Variants in MYO6 observed in about 807,000 individuals in gnomAD.
The protein encoded by MYO6 is unconventional myosin-VI.
MYO6 carries 74 observed loss-of-function variants against 178.7 expected under a neutral mutation model. The observed-to-expected ratio is 0.41, with a 90% CI of 0.34 to 0.50. MYO6 has a LOEUF of 0.50. MYO6 is among the 20% of genes least tolerant of loss of function. MYO6 has a pLI of 0.09. For missense variants in MYO6, 1,330 were observed against 1,547.4 expected, an observed-to-expected ratio of 0.86 and a Z score of 2.36; for synonymous variants, 477 against 504.6, an observed-to-expected ratio of 0.95 and a Z score of 0.73.
At chr6:75,800,312 A>T (rs1251044225) in intron 1 of MYO6, among the ~76,000 whole-genome samples, 1 of 152,164 alleles carries the variant, frequency 6.6e-6, no homozygotes, top group African/African-American at 2.4e-5. Context: ...CACAATTAAG[A>T]GGAGACAGGA....
intron 18 of MYO6, among the ~76,000 whole-genome samples, chr6:75,869,690 A>G (rs1015806015): frequency 1.3e-5 from 2 of 152,344 alleles, no homozygotes; most frequent in East Asian, 1.9e-4. Flanking sequence ...ATTTTAATAC[A>G]CTGAACCACA....
Position 75,916,451 on chromosome 6 carries a change from GTTAAA to G in MYO6, c.*1446_*1450del, listed in dbSNP as rs886061769. On this transcript the variant is annotated 3_prime_UTR_variant, in exon 35 of 35. Coordinates refer to ENST00000369977, the MANE Select transcript of MYO6 (RefSeq NM_004999.4). ...TATGATACATTCAAATGATTGTCAA[GTTAAA>G]TTAAATGGTTGTGTCTGTGCTATTG... 2.6e-5 allele frequency: 4 copies of G among 152,586 alleles called. No homozygotes were observed. The highest frequency in any genetic ancestry group is 1.9e-4 in the East Asian group (1 of 5,192). The allele number at this position is 152,586 out of a possible 1,614,324, so 9.5% of individuals were successfully genotyped here.
At chr6:75,786,970 A>G (rs1767629524) in intron 1 of MYO6, among the ~76,000 whole-genome samples, 1 of 152,182 alleles carries the variant, frequency 6.6e-6, no homozygotes, top group Admixed American at 6.5e-5. Context: ...ATTCATAGCA[A>G]AGATAAGTCC....
chr6:75,905,135 CA>C (rs1228897144), intron 30 of MYO6, among the ~76,000 whole-genome samples: 4 of 152,224 alleles, frequency 2.6e-5, no homozygotes, highest in African/African-American at 9.6e-5. Flanking sequence ...TCAAGGCTGT[CA>C]GACAGGGACA....
At chr6:75,847,472 A>G (rs1379600432) in intron 10 of MYO6, among the ~76,000 whole-genome samples, 1 of 151,950 alleles carries the variant, frequency 6.6e-6, no homozygotes, top group Non-Finnish European at 1.5e-5. Flanking sequence ...CGTGTCCAGT[A>G]ACTTTTATGT....
chr6:75,784,576 A>G lies in MYO6; in HGVS notation c.-47-32925A>G, dbSNP rs560307686. ...ATCACTAGGTCAGGAGATCGAGACC[A>G]TCCTGGCTAACATGGTGAAACCCCG... On this transcript the variant is annotated intron_variant, in intron 1 of 34. Coordinates refer to ENST00000369977, the MANE Select transcript of MYO6 (RefSeq NM_004999.4). 1.2e-3 allele frequency among the ~76,000 whole-genome samples: 183 copies of G among 151,862 alleles called. 5 individuals carry two copies. The South Asian group carries it at 0.037, about 31-fold the overall frequency.
intron 1 of MYO6, among the ~76,000 whole-genome samples, chr6:75,781,187 A>C (rs1766944178): frequency 6.6e-6 from 1 of 152,208 alleles, no homozygotes; most frequent in Admixed American, 6.5e-5. Context: ...TTGAGAATAA[A>C]GTAGAAAACA....
chr6:75,800,827 T>G (rs144940533), intron 1 of MYO6, among the ~76,000 whole-genome samples: 231 of 152,254 alleles, frequency 1.5e-3, no homozygotes, highest in Non-Finnish European at 2.7e-3. Flanking sequence ...TTCAAGCAGT[T>G]CTCGTGTGTC....
chr6:75,841,311 G>A lies in MYO6; in HGVS notation c.749G>A (p.Arg250Lys). ...GAAAGAAATTATCATATCTTTTATA[G>A]GTTGTGTGCTGGTGCTTCTGAAGAT... The part of the protein sequence containing the change: ...KEERNYHIFY[R>K]LCAGASEDIR... Residue 250 changes from arginine to lysine, a missense_variant, in exon 9 of 35, where the codon AGG becomes AAG. By Grantham distance (26) the Arg-to-Lys change is conservative (BLOSUM62 2). This residue lies in a region of MYO6 where 613 missense variants were observed against 816.8 expected (regional missense o/e 0.75). Coordinates refer to ENST00000369977, the MANE Select transcript of MYO6 (RefSeq NM_004999.4). The A allele has an allele frequency of 1.9e-6, 3 of 1,614,028 alleles. No homozygotes were observed. Among genetic ancestry groups the A allele is most frequent in the Non-Finnish European group, 2.5e-6 (3 of 1,179,982 alleles).
chr6:75,840,809 C>T, intron 8 of MYO6, 127 bp downstream of exon 8: 1 of 757,144 alleles, frequency 1.3e-6, no homozygotes, highest in Non-Finnish European at 2.3e-6. Context: ...TAGATGGTTG[C>T]AGGAATATAT....
At chr6:75,845,381 A>AT (rs1774627720) in intron 10 of MYO6, among the ~76,000 whole-genome samples, 1 of 152,214 alleles carries the variant, frequency 6.6e-6, no homozygotes, top group African/African-American at 2.4e-5. Context: ...CAGTAAATAG[A>AT]TTAAGCGTTC....
chr6:75,818,841 A>G (rs747076795), intron 2 of MYO6, among the ~76,000 whole-genome samples: 2 of 152,050 alleles, frequency 1.3e-5, no homozygotes, highest in Non-Finnish European at 2.9e-5. Context: ...GCAGGTACCT[A>G]TTTGTACTTA....
intron 2 of MYO6, among the ~76,000 whole-genome samples, chr6:75,821,624 TACACACACACACACAA>T (rs1562207115): frequency 6.6e-6 from 1 of 150,892 alleles, no homozygotes; most frequent in African/African-American, 2.4e-5. Flanking sequence ...GTTGTAGCTT[TACACACACACACACAA>T]ACACACACAC....
intron 1 of MYO6, among the ~76,000 whole-genome samples, chr6:75,804,879 TACAC>T (rs150338576): frequency 1.4e-5 from 2 of 146,788 alleles, no homozygotes; most frequent in African/African-American, 2.5e-5. Context: ...CATATATATA[TACAC>T]ACACACACAT....
chr6:75,853,631 G>A (rs1434362440), intron 11 of MYO6, among the ~76,000 whole-genome samples: 3 of 151,870 alleles, frequency 2.0e-5, no homozygotes, highest in African/African-American at 2.4e-5. Context: ...ATTATTGTAA[G>A]GTCTCATTTT....
intron 1 of MYO6, among the ~76,000 whole-genome samples, chr6:75,803,047 A>G (rs754323226): frequency 5.3e-5 from 8 of 152,194 alleles, no homozygotes; most frequent in Non-Finnish European, 8.8e-5. Flanking sequence ...GATTGCATAT[A>G]TTATATGAAT....
At chr6:75,802,911 A>G (rs538194079) in intron 1 of MYO6, among the ~76,000 whole-genome samples, 3 of 152,340 alleles carry the variant, frequency 2.0e-5, no homozygotes, top group South Asian at 4.1e-4. Flanking sequence ...ATATCTTGCT[A>G]TTATATTCTG....
intron 1 of MYO6, among the ~76,000 whole-genome samples, chr6:75,789,932 T>G (rs1340825594): frequency 6.6e-6 from 1 of 152,194 alleles, no homozygotes; most frequent in East Asian, 1.9e-4. Context: ...TATTCTACTC[T>G]CTACTTTTAT....
intron 1 of MYO6, among the ~76,000 whole-genome samples, chr6:75,804,879 T>TACACAC (rs150338576): frequency 6.8e-6 from 1 of 146,788 alleles, no homozygotes; most frequent in East Asian, 2.0e-4. Flanking sequence ...CATATATATA[T>TACACAC]ACACACACAC....
Sources: allele counts gnomAD v4.1 joint callset (sites outside exome capture counted in the v4.1 genomes callset), GRCh38; gene constraint gnomAD v4.1.1; regional missense constraint gnomAD v4.1.1; transcripts MANE v1.5; gene names NCBI Gene and HGNC (gene_info 2026-07-23, HGNC 2026-07-21).